Variants in SLC6A16 observed in about 807,000 individuals in gnomAD.
SLC6A16 encodes the protein orphan sodium- and chloride-dependent neurotransmitter transporter NTT5.
SLC6A16 carries 54 observed loss-of-function variants against 65.4 expected under a neutral mutation model. The ratio of observed to expected loss-of-function variants is 0.83; its 90% CI spans 0.66 to 1.04. The LOEUF is 1.04. SLC6A16 is among the 50% of genes least tolerant of loss of function. The probability of loss-of-function intolerance (pLI) is 0.00; values close to 1 mark genes in which losing one functional copy is unlikely to be tolerated. For synonymous variants in SLC6A16, 330 were observed against 346.5 expected (o/e 0.95, Z 0.53); for missense variants, 816 against 914.0 (o/e 0.89, Z 1.38).
At chr19:49,335,374 G>A in the SLC6A16 span, 5 of 632,714 alleles carry the variant, frequency 7.9e-6, no homozygotes, top group South Asian at 3.8e-5. This position sits in a 1 kb window ranked among gnomAD's most constrained non-coding sequence, Gnocchi z 4.6. Flanking sequence ...TACATGAAGC[G>A]GGAGTGGGTG....
In SLC6A16 at chr19:49,309,115, T is replaced by C. The variant is rs1230249753; in HGVS notation, c.990A>G (p.Ile330Met). 6.2e-7 allele frequency: 1 copy of C among 1,613,922 alleles called. No individual in the cohort carries two copies. The highest frequency in any genetic ancestry group is 8.5e-7 in the Non-Finnish European group (1 of 1,179,892). The change falls in exon 7 of 12, where the codon ATA becomes ATG. Residue 330 changes from isoleucine to methionine, a missense_variant and splice_region_variant. Ile to Met is a conservative substitution (Grantham distance 10). Coordinates refer to ENST00000335875, the MANE Select transcript of SLC6A16 (RefSeq NM_014037.3). The stretch of plus-strand genomic sequence containing the variant: ...ACACACTCATATTGTACACATCCGA[T>C]ATCTAAAAGAGAGAAGACAAGCATA... ...FGLQQLVVAK[I>M]SDVYNMSVWS... is the part of the protein sequence containing the mutation.
the SLC6A16 span, chr19:49,332,358 C>G: frequency 2.2e-6 from 1 of 447,746 alleles, no homozygotes; most frequent in Non-Finnish European, 4.5e-6. Context: ...AATTCAAGAC[C>G]AGCCTGGCCA....
the SLC6A16 span, chr19:49,336,909 G>A: frequency 3.7e-6 from 6 of 1,614,048 alleles, no homozygotes; most frequent in Non-Finnish European, 5.1e-6. Context: ...CCTCTCCCAG[G>A]CTTGGCCTTC....
intron 7 of SLC6A16, among the ~76,000 whole-genome samples, chr19:49,304,882 G>A (rs924849830): frequency 1.3e-5 from 2 of 152,100 alleles, no homozygotes; most frequent in South Asian, 2.1e-4. Context: ...GTATTTGCAC[G>A]AGTGAGGTAA....
Position 49,290,593 on chromosome 19 carries a change from G to T in SLC6A16, c.1941+12C>A, listed in dbSNP as rs751063092. 3.0e-5 allele frequency: 48 copies of T among 1,613,828 alleles called. No individual in the cohort carries two copies. The highest frequency in any genetic ancestry group is 6.7e-5 in the Admixed American group (4 of 59,988). Reference sequence around the variant, plus strand: ...ACTCCCAAAGGGGTTCTGGGTCCTGGGGGAGGCTCACGGTGCTTGAGTCCC... The same window carrying T: ...ACTCCCAAAGGGGTTCTGGGTCCTGTGGGAGGCTCACGGTGCTTGAGTCCC... On this transcript the variant is annotated intron_variant, in intron 11 of 11. Transcript: ENST00000335875.
intron 1 of SLC6A16, among the ~76,000 whole-genome samples, chr19:49,314,821 T>C (rs1339113323): frequency 1.3e-5 from 2 of 152,080 alleles, no homozygotes; most frequent in African/African-American, 4.8e-5. Flanking sequence ...TTCTGTAAAA[T>C]AGCTGGCCTG....
At chr19:49,320,344 G>T (rs1317062491) in intron 1 of SLC6A16, among the ~76,000 whole-genome samples, 1 of 150,740 alleles carries the variant, frequency 6.6e-6, no homozygotes, top group Non-Finnish European at 1.5e-5. Flanking sequence ...GGAGGCGGAG[G>T]TTGCAGTGAG....
the SLC6A16 span, chr19:49,331,962 T>TG: frequency 2.2e-6 from 1 of 449,496 alleles, no homozygotes; most frequent in Non-Finnish European, 4.5e-6. Flanking sequence ...GATCAGTGGG[T>TG]GGGAAGGAGG....
At chr19:49,326,380 ATCTT>A (rs1481905483), upstream of SLC6A16, among the ~76,000 whole-genome samples, 2 of 152,162 alleles carry the variant, frequency 1.3e-5, no homozygotes, top group African/African-American at 4.8e-5. Flanking sequence ...GGCAAATAAT[ATCTT>A]AGTAGTATTA....
At chr19:49,317,155 T>C (rs959396148) in intron 1 of SLC6A16, among the ~76,000 whole-genome samples, 9 of 151,178 alleles carry the variant, frequency 6.0e-5, no homozygotes, top group Admixed American at 1.3e-4. Flanking sequence ...GCCTGGCCAA[T>C]ATGGTGAAAC....
At chr19:49,313,360 T>C (rs1380587372) in intron 1 of SLC6A16, among the ~76,000 whole-genome samples, 1 of 152,076 alleles carries the variant, frequency 6.6e-6, no homozygotes, top group African/African-American at 2.4e-5. Context: ...GATGGGAGTC[T>C]CACTATGATG....
intron 7 of SLC6A16, among the ~76,000 whole-genome samples, chr19:49,304,699 A>G (rs1000362798): frequency 1.1e-4 from 16 of 152,228 alleles, no homozygotes; most frequent in Admixed American, 6.5e-5. Flanking sequence ...TGGGATGTTC[A>G]ATGCACTCCA....
Position 49,310,190 on chromosome 19 carries a change from T to C in SLC6A16, c.574-24A>G, listed in dbSNP as rs747325505. On this transcript the variant is annotated intron_variant, in intron 3 of 11. Coordinates refer to ENST00000335875, the MANE Select transcript of SLC6A16 (RefSeq NM_014037.3). ...ACCTGGGGGCCAAGGAGGATATGGC[T>C]GGGGAGGAAGAGCAGGGACAGGAAA... 11 of 1,613,530 alleles carry C rather than the reference T, an allele frequency of 6.8e-6. 1 individual carries two copies. In the South Asian group the frequency reaches 1.1e-4, roughly 16 times the overall value.
Position 49,311,221 on chromosome 19 carries a change from T to C in SLC6A16, c.127A>G (p.Thr43Ala). The C allele has an allele frequency of 1.9e-6, 3 of 1,614,176 alleles. No homozygotes were observed. Among genetic ancestry groups the C allele is most frequent in the Non-Finnish European group, 2.5e-6 (3 of 1,180,022 alleles). The part of the protein sequence containing the change: ...EDKGSLTRSA[T>A]SWTSEAQVSA... ...ACTTGGGCCTCTGAGGTCCAAGATG[T>C]TGCAGACCGGGTCAATGAACCCTTG... is the stretch of plus-strand genomic sequence containing the variant. The change falls in exon 2 of 12, where the codon ACA (threonine) becomes GCA (alanine). Residue 43 changes from threonine (T) to alanine (A), a missense_variant. Physicochemically the swap from Thr to Ala is moderately conservative, Grantham distance 58 (BLOSUM62 0). Transcript: ENST00000335875.
the SLC6A16 span, chr19:49,336,619 G>A: frequency 5.7e-6 from 2 of 350,686 alleles, no homozygotes; most frequent in Admixed American, 8.8e-5. Context: ...AAGGAGCCAA[G>A]CCAATGTCAC....
intron 7 of SLC6A16, among the ~76,000 whole-genome samples, chr19:49,302,112 T>C (rs1970302460): frequency 6.6e-6 from 1 of 152,186 alleles, no homozygotes; most frequent in African/African-American, 2.4e-5. Context: ...GCCACATGCA[T>C]GCCCTTAGTC....
rs1970040268 is a variant in SLC6A16, at chr19:49,289,879, G to A, written c.*244C>T. On this transcript the variant is annotated 3_prime_UTR_variant, in exon 12 of 12. Transcript: ENST00000335875. ...GGTAGACATCACTAGTATTGTATAT[G>A]TGTTGTGCATGTATGTGTGTTGAGG... 5.5e-6 allele frequency: 3 copies of A among 545,406 alleles called. No individual in the cohort carries two copies. Among genetic ancestry groups the A allele is most frequent in the Non-Finnish European group, 9.8e-6 (3 of 305,436 alleles). The allele number at this position is 545,406 out of a possible 1,614,324, so 33.8% of individuals were successfully genotyped here.
the SLC6A16 span, among the ~76,000 whole-genome samples, chr19:49,330,487 G>A: frequency 1.3e-5 from 2 of 152,168 alleles, no homozygotes; most frequent in Non-Finnish European, 2.9e-5. Flanking sequence ...CTAGAAAAAG[G>A]ACGATCCAAT....
chr19:49,299,602 GAAAA>G (rs770862202), intron 7 of SLC6A16, among the ~76,000 whole-genome samples: 3 of 115,334 alleles, frequency 2.6e-5, no homozygotes, highest in East Asian at 2.4e-4. Flanking sequence ...AATGTGCTAG[GAAAA>G]AAAAAAAAAA....
Sources: gnomAD v4.1 joint callset for allele counts (sites outside exome capture counted in the v4.1 genomes callset) on GRCh38, gnomAD v4.1.1 for gene constraint, Gnocchi (gnomAD v3.1) non-coding constraint, MANE v1.5 for transcripts, NCBI Gene and HGNC (gene_info 2026-07-23, HGNC 2026-07-21) for gene names.